FOXO1: variants seen among roughly 807,000 people sequenced by gnomAD.
FOXO1 encodes the protein forkhead box protein O1.
A neutral mutation model predicts 44.1 loss-of-function variants in FOXO1; 6 were observed. The observed-to-expected ratio is 0.14, with a 90% CI of 0.07 to 0.27. The LOEUF (loss-of-function observed/expected upper bound fraction) is 0.27. FOXO1 is among the 10% of genes least tolerant of loss of function. The pLI is 1.00. For synonymous variants in FOXO1, 380 were observed against 362.7 expected, an observed-to-expected ratio of 1.05 and a Z score of -0.54; for missense variants, 737 against 888.8, an observed-to-expected ratio of 0.83 and a Z score of 2.17.
rs970471060 is a variant in FOXO1 at position 40,665,923 on chromosome 13, G to A, written c.290C>T (p.Ala97Val). 6.1e-5 allele frequency: 73 copies of A among 1,202,916 alleles called. No homozygotes were observed. Among genetic ancestry groups the A allele is most frequent in the Admixed American group, 9.0e-5 (2 of 22,246 alleles). The allele number at this position is 1,202,916 out of a possible 1,614,324, so 74.5% of individuals were successfully genotyped here. ...CCCCCCGGTGGCGGCCGCGGCGGCC[G>A]CCGCCGCCACCGCCGCCGCCACGGA... Reference protein sequence around the residue: ...PGSVAAAVAAAAAAAATGGLC... With the variant: ...PGSVAAAVAAVAAAAATGGLC... The change falls in exon 1 of 3, where the codon GCG becomes GTG. Residue 97 changes from alanine (A) to valine (V), a missense_variant. By Grantham distance (64) the Ala-to-Val change is moderately conservative. Transcript: ENST00000379561.
Position 40,555,733 on chromosome 13 carries a change from T to G in FOXO1, c.*3316A>C, listed in dbSNP as rs760551502. On this transcript the variant is annotated 3_prime_UTR_variant, in exon 3 of 3. Coordinates refer to ENST00000379561, the MANE Select transcript of FOXO1 (RefSeq NM_002015.4). Reference sequence around the variant, plus strand: ...AAAATTCCTAATAAAGAGCTTATTCTGCATAATTAGAAAAGAAAGACACCA... The same window carrying G: ...AAAATTCCTAATAAAGAGCTTATTCGGCATAATTAGAAAAGAAAGACACCA... 1.3e-5 allele frequency: 2 copies of G among 152,708 alleles called. No homozygotes were observed. The highest frequency in any genetic ancestry group is 1.3e-4 in the Admixed American group (2 of 15,288). 9.5% of individuals were successfully genotyped at this position (152,708 alleles called of 1,614,324 possible).
At chr13:40,639,671 T>C (rs1043281643) in intron 1 of FOXO1, among the ~76,000 whole-genome samples, 3 of 152,236 alleles carry the variant, frequency 2.0e-5, no homozygotes, top group African/African-American at 7.2e-5. Flanking sequence ...GCAGCACCCC[T>C]GATCTCTAAT....
At chr13:40,579,334 A>G (rs751682842) in intron 1 of FOXO1, among the ~76,000 whole-genome samples, 25 of 152,184 alleles carry the variant, frequency 1.6e-4, no homozygotes, top group Admixed American at 6.5e-4. Context: ...TGGATGAAGG[A>G]GGAGACCAGA....
At chr13:40,584,018 G>C (rs1875053910) in intron 1 of FOXO1, among the ~76,000 whole-genome samples, 1 of 152,100 alleles carries the variant, frequency 6.6e-6, no homozygotes, top group African/African-American at 2.4e-5. Context: ...CCATTGTGGG[G>C]GTTTTAATGG....
chr13:40,620,277 T>C (rs1876564724), intron 1 of FOXO1: 3 of 1,242,772 alleles, frequency 2.4e-6, no homozygotes, highest in Admixed American at 3.4e-5. Context: ...AGGACAGTAT[T>C]GCAAACAGAA....
At chr13:40,604,595 A>G (rs928494772) in intron 1 of FOXO1, among the ~76,000 whole-genome samples, 3 of 152,188 alleles carry the variant, frequency 2.0e-5, no homozygotes, top group Non-Finnish European at 4.4e-5. Context: ...TATACTACAG[A>G]GAACTAACTG....
intron 1 of FOXO1, among the ~76,000 whole-genome samples, chr13:40,606,179 A>G (rs1316537777): frequency 6.6e-6 from 1 of 152,220 alleles, no homozygotes; most frequent in Non-Finnish European, 1.5e-5. Context: ...ACAGTTTTCC[A>G]AACTGAGTTT....
At chr13:40,655,601 G>C (rs1057175365) in intron 1 of FOXO1, among the ~76,000 whole-genome samples, 25 of 150,136 alleles carry the variant, frequency 1.7e-4, no homozygotes, top group African/African-American at 5.9e-4. Context: ...TGCTTCTATA[G>C]GGATAAATAT....
At position 40,579,759 on chromosome 13, in the gene FOXO1, T is replaced by C. The variant is rs1468939590; in HGVS notation, c.631-18899A>G. 2.6e-5 allele frequency among the ~76,000 whole-genome samples: 4 copies of C among 152,276 alleles called. No homozygotes were observed. The East Asian group carries it at 7.7e-4, about 29-fold the overall frequency. On this transcript the variant is annotated intron_variant, in intron 1 of 2. Transcript: ENST00000379561. The stretch of plus-strand genomic sequence containing the variant: ...GTTTCTAGGGTCACCACAATAGAGC[T>C]TGGAAGATGAGGAACCTGTACACAA...
intron 1 of FOXO1, among the ~76,000 whole-genome samples, chr13:40,636,517 CTT>C (rs376651061): frequency 2.0e-4 from 24 of 121,920 alleles, no homozygotes; most frequent in Non-Finnish European, 2.3e-4. Context: ...TTTTCAAAAA[CTT>C]TTTTTTTTTT....
chr13:40,637,557 C>T (rs1433716376), intron 1 of FOXO1, among the ~76,000 whole-genome samples: 1 of 151,396 alleles, frequency 6.6e-6, no homozygotes, highest in Non-Finnish European at 1.5e-5. Context: ...TGTCAGCCTT[C>T]TATTTTCTGC....
intron 1 of FOXO1, among the ~76,000 whole-genome samples, chr13:40,632,607 C>T (rs577745676): frequency 1.3e-5 from 2 of 151,558 alleles, no homozygotes; most frequent in Admixed American, 1.3e-4. Context: ...CATTGTACTA[C>T]AGCCTGAGCG....
chr13:40,665,912 C>T lies in FOXO1; in HGVS notation c.301G>A (p.Ala101Thr). 1 of 1,186,818 alleles carries T rather than the reference C, an allele frequency of 8.4e-7. No individual in the cohort carries two copies. The highest frequency in any genetic ancestry group is 4.1e-5 in the South Asian group (1 of 24,108). The allele number at this position is 1,186,818 out of a possible 1,614,324, so 73.5% of individuals were successfully genotyped here. ...AAAVAAAAAA[A>T]ATGGLCGDFQ... The stretch of plus-strand genomic sequence containing the variant: ...TCCCCGCACAGCCCCCCGGTGGCGG[C>T]CGCGGCGGCCGCCGCCGCCACCGCC... Residue 101 changes from alanine (A) to threonine (T), a missense_variant, in exon 1 of 3, where the codon GCC becomes ACC. Ala to Thr is a moderately conservative substitution (Grantham distance 58, BLOSUM62 0). Around this residue, in one of 7 missense-constraint regions of FOXO1, gnomAD observed 213 missense variants for 236.4 expected, o/e 0.90. Transcript: ENST00000379561.
chr13:40,573,858 C>T (rs770011841), intron 1 of FOXO1, among the ~76,000 whole-genome samples: 4 of 152,316 alleles, frequency 2.6e-5, no homozygotes, highest in East Asian at 1.9e-4. Context: ...TTAATAACTT[C>T]GGGCAAACTA....
At chr13:40,657,713 G>A (rs1877901889) in intron 1 of FOXO1, among the ~76,000 whole-genome samples, 1 of 152,068 alleles carries the variant, frequency 6.6e-6, no homozygotes, top group Non-Finnish European at 1.5e-5. Flanking sequence ...TCTTCCCACT[G>A]TATATCATAG....
intron 1 of FOXO1, among the ~76,000 whole-genome samples, chr13:40,567,509 G>A (rs774034631): frequency 6.6e-6 from 1 of 152,048 alleles, no homozygotes; most frequent in Non-Finnish European, 1.5e-5. Context: ...GATTCTACCT[G>A]CAACCCCACT....
chr13:40,617,576 GTCTCA>G (rs1467554792), intron 1 of FOXO1, among the ~76,000 whole-genome samples: 1 of 152,058 alleles, frequency 6.6e-6, no homozygotes, highest in Non-Finnish European at 1.5e-5. Flanking sequence ...AAGGAACTCA[GTCTCA>G]TCTAATAGAG....
chr13:40,559,171 C>T lies in FOXO1; in HGVS notation c.*15-137G>A, dbSNP rs1422264391. The T allele has an allele frequency of 3.4e-5, 14 of 407,706 alleles. No homozygotes were observed. The East Asian group carries it at 4.6e-4, about 13-fold the overall frequency. 25.3% of individuals were successfully genotyped at this position (407,706 alleles called of 1,614,324 possible). A position where few individuals can be genotyped will look rare whatever the true frequency, so the allele number is the denominator to read the frequency against. On this transcript the variant is annotated intron_variant, in intron 2 of 2. Coordinates refer to ENST00000379561, the MANE Select transcript of FOXO1 (RefSeq NM_002015.4). ...AAAAAGCTAGAGCTTTCTCAAACAG[C>T]TCTAAAATCATTCAATGGGGAAAAT...
intron 1 of FOXO1, among the ~76,000 whole-genome samples, chr13:40,655,546 T>C (rs1037276796): frequency 4.6e-5 from 7 of 151,804 alleles, no homozygotes; most frequent in Non-Finnish European, 8.8e-5. Context: ...TTTATTTAAC[T>C]GTCCCCCACC....
Sources: gnomAD v4.1 joint callset for allele counts (sites outside exome capture counted in the v4.1 genomes callset) on GRCh38, gnomAD v4.1.1 for gene constraint, gnomAD v4.1.1 regional missense constraint, MANE v1.5 for transcripts, NCBI Gene and HGNC (gene_info 2026-07-23, HGNC 2026-07-21) for gene names.